The following CSMD3 variants were observed in gnomAD, a reference collection of about 807,000 sequenced individuals.
CSMD3 encodes the protein CUB and sushi domain-containing protein 3.
In CSMD3, 177 loss-of-function variants were observed where a neutral mutation model predicts 435.2. The observed-to-expected ratio is 0.41, with a 90% confidence interval of 0.36 to 0.46. CSMD3 has a LOEUF of 0.46. Among genes scored for constraint, CSMD3 ranks in the 20% least tolerant of loss-of-function variants. CSMD3 has a pLI of 0.34. For synonymous variants in CSMD3, 1,656 were observed against 1,520.5 expected (o/e 1.09, Z -2.07); for missense variants, 4,265 against 4,504.6 (o/e 0.95, Z 1.52).
intron 13 of CSMD3, among the ~76,000 whole-genome samples, chr8:112,729,584 GA>G (rs1587102905): frequency 6.6e-6 from 1 of 152,060 alleles, no homozygotes; most frequent in African/African-American, 2.4e-5. Context: ...TGTAATTAAC[GA>G]TTTTGGTATG....
chr8:113,217,470 GA>G (rs1488706565), intron 3 of CSMD3, among the ~76,000 whole-genome samples: 1 of 151,516 alleles, frequency 6.6e-6, no homozygotes, highest in African/African-American at 2.4e-5. Context: ...TAAAGGCACA[GA>G]TAAACATAAT....
intron 9 of CSMD3, among the ~76,000 whole-genome samples, chr8:112,947,236 C>T (rs2083641832): frequency 6.6e-6 from 1 of 151,542 alleles, no homozygotes; most frequent in South Asian, 2.1e-4. Flanking sequence ...CCACAGTATA[C>T]TATGTAAATT....
At chr8:112,845,457 G>A (rs1051252148) in intron 11 of CSMD3, among the ~76,000 whole-genome samples, 1 of 152,034 alleles carries the variant, frequency 6.6e-6, no homozygotes, top group African/African-American at 2.4e-5. Context: ...CTGGAGATGT[G>A]TAAACAAAGT....
intron 10 of CSMD3, among the ~76,000 whole-genome samples, chr8:112,892,744 TCCACAACA>T (rs1335824367): frequency 1.3e-5 from 2 of 151,470 alleles, no homozygotes; most frequent in Non-Finnish European, 3.0e-5. Context: ...GGCCATCACA[TCCACAACA>T]GCAGGCTGTT....
At chr8:112,613,527 A>G (rs919174902) in intron 22 of CSMD3, among the ~76,000 whole-genome samples, 1 of 151,850 alleles carries the variant, frequency 6.6e-6, no homozygotes, top group African/African-American at 2.4e-5. Flanking sequence ...TGTGAACCAA[A>G]TTGGTTGTAA....
intron 56 of CSMD3, among the ~76,000 whole-genome samples, chr8:112,289,899 A>C (rs1819594281): frequency 6.6e-6 from 1 of 152,080 alleles, no homozygotes; most frequent in Non-Finnish European, 1.5e-5. Context: ...AAATCTGTGA[A>C]AGTTAAGGAG....
At chr8:112,787,490 T>G (rs541726494) in intron 13 of CSMD3, among the ~76,000 whole-genome samples, 6 of 152,124 alleles carry the variant, frequency 3.9e-5, no homozygotes, top group African/African-American at 1.4e-4. Flanking sequence ...TGCACTCCCA[T>G]ATTTGTCGCA....
intron 3 of CSMD3, among the ~76,000 whole-genome samples, chr8:113,242,796 C>A (rs1006760115): frequency 2.0e-5 from 3 of 151,560 alleles, no homozygotes; most frequent in Non-Finnish European, 4.4e-5. Flanking sequence ...TTATTAAATT[C>A]AAAAATGGGG....
intron 7 of CSMD3, among the ~76,000 whole-genome samples, chr8:112,970,893 T>C (rs1311559135): frequency 3.3e-5 from 5 of 152,114 alleles, no homozygotes; most frequent in African/African-American, 1.2e-4. Flanking sequence ...AGCTAATTTT[T>C]TGTATTTTTA....
chr8:112,914,067 C>T (rs1261731077), intron 10 of CSMD3, among the ~76,000 whole-genome samples: 2 of 151,856 alleles, frequency 1.3e-5, no homozygotes, highest in South Asian at 2.1e-4. Flanking sequence ...ATTAAATAAA[C>T]AAAAGAATGA....
chr8:113,423,996 A>G (rs1416067603), intron 1 of CSMD3, among the ~76,000 whole-genome samples: 1 of 151,874 alleles, frequency 6.6e-6, no homozygotes, highest in Non-Finnish European at 1.5e-5. Flanking sequence ...TTGTTGTGTT[A>G]ATAGACATTA....
intron 4 of CSMD3, among the ~76,000 whole-genome samples, chr8:113,148,434 A>G (rs1296401925): frequency 2.6e-5 from 4 of 151,710 alleles, no homozygotes; most frequent in Non-Finnish European, 5.9e-5. Context: ...CATAGCTCTT[A>G]TGATAAATGT....
At chr8:112,913,902 A>G (rs2130561668) in intron 10 of CSMD3, among the ~76,000 whole-genome samples, 1 of 151,952 alleles carries the variant, frequency 6.6e-6, no homozygotes, top group East Asian at 2.0e-4. Context: ...AATGCACCAT[A>G]TTCATTTTTC....
intron 27 of CSMD3, among the ~76,000 whole-genome samples, chr8:112,531,636 T>C (rs185807588): frequency 6.6e-6 from 1 of 152,166 alleles, no homozygotes; most frequent in Non-Finnish European, 1.5e-5. Flanking sequence ...ATGGTTGCAG[T>C]GCAGTTGGAC....
chr8:112,604,109 A>T (rs1056904336), intron 22 of CSMD3, among the ~76,000 whole-genome samples: 2 of 152,158 alleles, frequency 1.3e-5, no homozygotes, highest in Non-Finnish European at 2.9e-5. Context: ...GCAATTTGCA[A>T]ACTTTCAGTT....
At chr8:112,899,870 T>C (rs556777240) in intron 10 of CSMD3, among the ~76,000 whole-genome samples, 1 of 150,278 alleles carries the variant, frequency 6.7e-6, no homozygotes, top group East Asian at 2.0e-4. Context: ...GAGAGACTTA[T>C]ATATATCTTC....
At chr8:112,523,004 C>T (rs1824459654) in intron 27 of CSMD3, among the ~76,000 whole-genome samples, 1 of 151,870 alleles carries the variant, frequency 6.6e-6, no homozygotes, top group Non-Finnish European at 1.5e-5. Context: ...CAAAAGAAAA[C>T]ACGCCGGTTT....
intron 5 of CSMD3, among the ~76,000 whole-genome samples, chr8:113,046,292 C>G (rs2087826874): frequency 6.7e-6 from 1 of 149,296 alleles, no homozygotes; most frequent in African/African-American, 2.4e-5. Flanking sequence ...GCCCTAAAAC[C>G]CTCTTGCGGA....
At chr8:113,432,629 A>G (rs1305344095) in intron 1 of CSMD3, among the ~76,000 whole-genome samples, 1 of 152,076 alleles carries the variant, frequency 6.6e-6, no homozygotes, top group Non-Finnish European at 1.5e-5. Flanking sequence ...GGGGACGGGG[A>G]CGTTGCAGAG....
Sources: allele counts gnomAD v4.1 joint callset (sites outside exome capture counted in the v4.1 genomes callset), GRCh38; gene constraint gnomAD v4.1.1; transcripts MANE v1.5; gene names NCBI Gene and HGNC (gene_info 2026-07-23, HGNC 2026-07-21).